The following TAFA2 variants were observed in gnomAD, a reference collection of about 807,000 sequenced individuals.
TAFA2 encodes the protein chemokine-like protein TAFA-2.
Under a neutral mutation model 18.8 loss-of-function variants are expected in TAFA2, and 7 were observed. That is an observed-to-expected ratio of 0.37 (90% CI 0.21 to 0.70). The LOEUF (loss-of-function observed/expected upper bound fraction) is 0.70, where lower values mean the gene tolerates loss of function less well. Among genes scored for constraint, TAFA2 ranks in the 30% least tolerant of loss-of-function variants. The pLI, the probability that TAFA2 is intolerant of heterozygous loss-of-function variation, is 0.53. For synonymous variants in TAFA2, 60 were observed against 54.2 expected, an observed-to-expected ratio of 1.11 and a Z score of -0.47; for missense variants, 122 against 158.1, an observed-to-expected ratio of 0.77 and a Z score of 1.23.
In TAFA2 at chr12:61,710,490, A is replaced by G. The variant is rs544158976; in HGVS notation, c.385-73T>C. On this transcript the variant is annotated intron_variant, in intron 4 of 4. Transcript: ENST00000416284. ...AATCTTAAAACTAAACACAATTAAA[A>G]ATTAATAGATAACTCAAAATGCTGG... 6.2e-5 allele frequency: 79 copies of G among 1,277,122 alleles called. No homozygotes were observed. The South Asian group carries it at 9.8e-4, about 16-fold the overall frequency. The allele number at this position is 1,277,122 out of a possible 1,614,324, so 79.1% of individuals were successfully genotyped here.
intron 1 of TAFA2, among the ~76,000 whole-genome samples, chr12:61,891,573 G>A (rs571417383): frequency 6.6e-5 from 10 of 152,116 alleles, no homozygotes; most frequent in Admixed American, 2.0e-4. Context: ...GCTTGAACCC[G>A]GGAGGCGGAG....
chr12:61,826,801 A>G (rs969771033), intron 2 of TAFA2, among the ~76,000 whole-genome samples: 1 of 151,860 alleles, frequency 6.6e-6, no homozygotes, highest in Non-Finnish European at 1.5e-5. Flanking sequence ...TAGAGCTACT[A>G]TTAACATTTT....
At chr12:61,836,732 GATATATATAT>G (rs3034054) in intron 2 of TAFA2, among the ~76,000 whole-genome samples, 1 of 112,788 alleles carries the variant, frequency 8.9e-6, no homozygotes. Context: ...TTGCCAATTT[GATATATATAT>G]ATATATATAT....
chr12:61,712,860 G>A (rs892630766), intron 4 of TAFA2, among the ~76,000 whole-genome samples: 6 of 151,560 alleles, frequency 4.0e-5, no homozygotes, highest in Non-Finnish European at 7.4e-5. Flanking sequence ...ATGGTGATTC[G>A]GCATCAAGAG....
chr12:61,901,147 T>A (rs1876080140), intron 1 of TAFA2, among the ~76,000 whole-genome samples: 1 of 152,158 alleles, frequency 6.6e-6, no homozygotes, highest in Admixed American at 6.5e-5. Context: ...TATTTGTACA[T>A]ATGTTCACTT....
intron 2 of TAFA2, among the ~76,000 whole-genome samples, chr12:61,856,109 G>A (rs1286645312): frequency 2.6e-5 from 4 of 151,668 alleles, no homozygotes; most frequent in Admixed American, 6.6e-5. Flanking sequence ...GAATTCAAGG[G>A]TAAAGAAACT....
In TAFA2 at chr12:61,709,981, A is replaced by T. The variant is rs1592335958; in HGVS notation, c.*425T>A. The T allele has an allele frequency of 6.1e-6, 1 of 165,280 alleles. No homozygotes were observed. Among genetic ancestry groups the T allele is most frequent in the African/African-American group, 2.4e-5 (1 of 41,958 alleles). The allele number at this position is 165,280 out of a possible 1,614,324, so 10.2% of individuals were successfully genotyped here. A position where few individuals can be genotyped will look rare whatever the true frequency, so the allele number is the denominator to read the frequency against. On this transcript the variant is annotated 3_prime_UTR_variant, in exon 5 of 5. Transcript: ENST00000416284. ...CATTAAAGCCATGTGTAGTCCCACTAGCAAATGAACATAGGACCCAGGAAC... is the reference window on the plus strand; with the variant it reads ...CATTAAAGCCATGTGTAGTCCCACTTGCAAATGAACATAGGACCCAGGAAC...
intron 1 of TAFA2, among the ~76,000 whole-genome samples, chr12:62,058,960 T>G (rs1327155861): frequency 1.3e-5 from 2 of 151,928 alleles, no homozygotes; most frequent in African/African-American, 2.4e-5. Context: ...AAAATTAGCC[T>G]GGCGTGGTGG....
chr12:61,805,314 T>C (rs886926442), intron 2 of TAFA2, among the ~76,000 whole-genome samples: 2 of 152,080 alleles, frequency 1.3e-5, no homozygotes, highest in African/African-American at 4.8e-5. Flanking sequence ...TGATAGCAAT[T>C]AAGACCTGTG....
At chr12:61,854,286 G>T (rs1460833506) in intron 2 of TAFA2, among the ~76,000 whole-genome samples, 2 of 151,868 alleles carry the variant, frequency 1.3e-5, no homozygotes, top group African/African-American at 4.8e-5. Flanking sequence ...ACACAGGTTT[G>T]GTAAATAAAG....
chr12:61,837,494 G>A (rs1217723539), intron 2 of TAFA2, among the ~76,000 whole-genome samples: 1 of 151,976 alleles, frequency 6.6e-6, no homozygotes, highest in Non-Finnish European at 1.5e-5. Context: ...GACAGCATGT[G>A]TATTATATAA....
chr12:61,952,872 G>T (rs78778097), intron 1 of TAFA2, among the ~76,000 whole-genome samples: 2 of 151,960 alleles, frequency 1.3e-5, no homozygotes, highest in Non-Finnish European at 2.9e-5. Context: ...AACCGAGTAC[G>T]TGTTTTTGCA....
chr12:62,234,473 T>C lies in TAFA2; in HGVS notation c.-130+24290A>G, dbSNP rs1006957166. ...GGCCAATGAGTCTTCTGGTGTTGCT[T>C]GAGATGGTCAGACCTCATGAACTCT... On this transcript the variant is annotated intron_variant, in intron 1 of 5. Transcript: ENST00000551619. The C allele has an allele frequency of 2.4e-5, 25 of 1,052,282 alleles. No homozygotes were observed. The African/African-American group carries it at 3.3e-4, about 14-fold the overall frequency. 65.2% of individuals were successfully genotyped at this position (1,052,282 alleles called of 1,614,324 possible). A position where few individuals can be genotyped will look rare whatever the true frequency, so the allele number is the denominator to read the frequency against.
intron 1 of TAFA2, among the ~76,000 whole-genome samples, chr12:62,181,990 T>TCC (rs71893210): frequency 0.09 from 12,400 of 137,616 alleles, 804 homozygotes; most frequent in Middle Eastern, 0.15. Flanking sequence ...CTCAAGTCCA[T>TCC]CCCCCCCCCG....
chr12:61,802,372 G>A (rs1871434960), intron 2 of TAFA2, among the ~76,000 whole-genome samples: 1 of 151,948 alleles, frequency 6.6e-6, no homozygotes, highest in Non-Finnish European at 1.5e-5. Flanking sequence ...GTCCATCAAT[G>A]GGTGAATGGA....
At chr12:61,852,332 G>A (rs1457023643) in intron 2 of TAFA2, among the ~76,000 whole-genome samples, 1 of 152,076 alleles carries the variant, frequency 6.6e-6, no homozygotes, top group Non-Finnish European at 1.5e-5. Context: ...TGACTGGATG[G>A]CAAGAAAGGT....
At chr12:62,217,420 G>T (rs1047239122) in intron 1 of TAFA2, among the ~76,000 whole-genome samples, 1 of 152,174 alleles carries the variant, frequency 6.6e-6, no homozygotes, top group Non-Finnish European at 1.5e-5. Flanking sequence ...CAGTGCAACT[G>T]GGCCCTGGTA....
At position 62,123,772 on chromosome 12, in the gene TAFA2, CCACACACATA is replaced by C. The variant is rs1259244202; in HGVS notation, c.-2+67477_-2+67486del. 1.0e-4 allele frequency among the ~76,000 whole-genome samples: 7 copies of C among 69,082 alleles called. No individual in the cohort carries two copies. The East Asian group carries it at 1.3e-3, about 12-fold the overall frequency. 45.3% of individuals were successfully genotyped at this position (69,082 alleles called of 152,430 possible). On this transcript the variant is annotated intron_variant, in intron 1 of 4. Coordinates refer to ENST00000416284, the MANE Select transcript of TAFA2 (RefSeq NM_178539.5). ...CCCACATATTCTCAAATCTCCCCCA[CCACACACATA>C]CACACACACACACACACACACACAC...
chr12:61,994,107 T>C (rs1043083361), intron 1 of TAFA2, among the ~76,000 whole-genome samples: 10 of 152,168 alleles, frequency 6.6e-5, no homozygotes, highest in Non-Finnish European at 1.2e-4. Context: ...CTCTATCCTT[T>C]GTCCCCTTTC....
Sources: gnomAD v4.1 joint callset for allele counts (sites outside exome capture counted in the v4.1 genomes callset) on GRCh38, gnomAD v4.1.1 for gene constraint, MANE v1.5 for transcripts, NCBI Gene and HGNC (gene_info 2026-07-23, HGNC 2026-07-21) for gene names.